The following CPED1 variants were observed in gnomAD, a reference collection of about 807,000 sequenced individuals.
CPED1 encodes cadherin like and PC-esterase domain containing 1.
Under a neutral mutation model 128.2 loss-of-function variants are expected in CPED1, and 114 were observed. The observed-to-expected ratio is 0.89, with a 90% confidence interval of 0.76 to 1.04. CPED1 has a LOEUF of 1.04. CPED1 is among the 50% of genes least tolerant of loss of function. CPED1 has a pLI of 0.00. For synonymous variants in CPED1, 462 were observed against 426.7 expected (o/e 1.08, Z -1.02); for missense variants, 1,211 against 1,207.1 (o/e 1.00, Z -0.05).
chr7:121,038,536 G>T (rs1792961957), intron 3 of CPED1, among the ~76,000 whole-genome samples: 1 of 152,070 alleles, frequency 6.6e-6, no homozygotes. Context: ...TCTGTGTCTA[G>T]TTACTACCAC....
In CPED1 at chr7:121,120,966, T is replaced by TAAAAAA. The variant is rs539242359; in HGVS notation, c.919-3349_919-3344dup. Among the ~76,000 whole-genome samples the TAAAAAA allele has an allele frequency of 1.5e-4, 14 of 91,664 alleles. 1 individual carries two copies. Among genetic ancestry groups the TAAAAAA allele is most frequent in the African/African-American group, 1.5e-4 (4 of 26,678 alleles). The allele number at this position is 91,664 out of a possible 152,430, so 60.1% of individuals were successfully genotyped here. ...AGATAAAATAGGACAGTTCCTGACC[T>TAAAAAA]AAAAAAAAAAAAAAAAAAAAACAAA... On this transcript the variant is annotated intron_variant, in intron 7 of 22. Coordinates refer to ENST00000310396, the MANE Select transcript of CPED1 (RefSeq NM_024913.5).
chr7:121,102,701 G>A (rs1262896498), intron 7 of CPED1, among the ~76,000 whole-genome samples: 2 of 152,034 alleles, frequency 1.3e-5, no homozygotes, highest in African/African-American at 4.8e-5. Flanking sequence ...AACAAGGAAG[G>A]AACAACCAAT....
At chr7:121,223,133 A>G (rs1797924152) in intron 16 of CPED1, among the ~76,000 whole-genome samples, 2 of 152,198 alleles carry the variant, frequency 1.3e-5, no homozygotes, top group Admixed American at 6.5e-5. Flanking sequence ...ACGTTCCATC[A>G]ATACCTAGTT....
At chr7:121,033,039 C>T (rs542131857) in intron 3 of CPED1, among the ~76,000 whole-genome samples, 2 of 152,276 alleles carry the variant, frequency 1.3e-5, no homozygotes, top group African/African-American at 4.8e-5. Context: ...TGAAAATGTA[C>T]CTTCCTCCAT....
intron 16 of CPED1, among the ~76,000 whole-genome samples, chr7:121,177,810 A>G (rs1796817883): frequency 6.6e-6 from 1 of 151,948 alleles, no homozygotes; most frequent in Admixed American, 6.6e-5. Context: ...CCTTCCTTCC[A>G]TGCAGGAAGC....
chr7:121,163,409 G>A (rs6968039), intron 16 of CPED1, among the ~76,000 whole-genome samples: 82,469 of 151,980 alleles, frequency 0.54, 22,776 homozygotes, highest in East Asian at 0.84. Flanking sequence ...AGCAGAAAAT[G>A]GACAGGAATC....
chr7:121,247,673 G>C (rs544393384), intron 18 of CPED1, among the ~76,000 whole-genome samples: 31 of 152,094 alleles, frequency 2.0e-4, no homozygotes, highest in African/African-American at 7.2e-4. Flanking sequence ...GGCTACAGGG[G>C]ACCCAACATA....
At chr7:121,214,772 C>G (rs552477763) in intron 16 of CPED1, among the ~76,000 whole-genome samples, 1 of 152,098 alleles carries the variant, frequency 6.6e-6, no homozygotes, top group Admixed American at 6.5e-5. Context: ...CCATAGTAGT[C>G]TGAATGTTCA....
Position 121,150,775 on chromosome 7 carries a change from T to C in CPED1, c.2055+8634T>C, listed in dbSNP as rs952877663. 4.8e-3 allele frequency among the ~76,000 whole-genome samples: 720 copies of C among 151,578 alleles called. 11 individuals are homozygous for C. Among genetic ancestry groups the C allele is most frequent in the African/African-American group, 0.016 (677 of 41,350 alleles). ...AACATTATTATTATTATTATTATTA[T>C]TATTATTATTAGAGATGGAGTCTCG... On this transcript the variant is annotated intron_variant, in intron 16 of 22. Coordinates refer to ENST00000310396, the MANE Select transcript of CPED1 (RefSeq NM_024913.5).
chr7:121,048,817 G>A (rs1793278932), intron 4 of CPED1, among the ~76,000 whole-genome samples: 1 of 152,154 alleles, frequency 6.6e-6, no homozygotes, highest in South Asian at 2.1e-4. Context: ...GGGATTACAG[G>A]CCTAAGCCAC....
intron 22 of CPED1, among the ~76,000 whole-genome samples, chr7:121,285,692 C>G (rs984000709): frequency 2.6e-5 from 4 of 152,204 alleles, no homozygotes; most frequent in Non-Finnish European, 5.9e-5. Flanking sequence ...ACCACCTCAG[C>G]CTGGACTTTA....
chr7:121,065,752 AT>A (rs956247001), intron 5 of CPED1, among the ~76,000 whole-genome samples: 32 of 151,986 alleles, frequency 2.1e-4, no homozygotes, highest in Non-Finnish European at 3.4e-4. Context: ...TGCTTCAAAC[AT>A]TTTTTTTATT....
At chr7:121,126,121 G>GTTTTT (rs1198579935) in intron 9 of CPED1, among the ~76,000 whole-genome samples, 3 of 152,048 alleles carry the variant, frequency 2.0e-5, no homozygotes, top group African/African-American at 7.2e-5. Flanking sequence ...TTTTTCTATG[G>GTTTTT]TTCAAGTACT....
intron 4 of CPED1, among the ~76,000 whole-genome samples, chr7:121,056,647 G>A (rs1459425874): frequency 6.6e-6 from 1 of 152,074 alleles, no homozygotes; most frequent in South Asian, 2.1e-4. Flanking sequence ...AATCTCCTCT[G>A]GGATATGTTC....
intron 16 of CPED1, among the ~76,000 whole-genome samples, chr7:121,212,278 T>C (rs1210036140): frequency 6.6e-6 from 1 of 152,062 alleles, no homozygotes; most frequent in Non-Finnish European, 1.5e-5. Flanking sequence ...GGCTAAGGAC[T>C]GAATTGCAAG....
intron 4 of CPED1, chr7:121,051,182 G>A (rs190804260): frequency 3.9e-6 from 2 of 516,400 alleles, no homozygotes; most frequent in African/African-American, 3.9e-5. Flanking sequence ...GATGAAGCAG[G>A]AGAGAAAGAA....
At chr7:121,287,821 T>C (rs972957645) in intron 22 of CPED1, among the ~76,000 whole-genome samples, 1 of 152,192 alleles carries the variant, frequency 6.6e-6, no homozygotes, top group Non-Finnish European at 1.5e-5. Flanking sequence ...AAACTTTTGA[T>C]ATATTTTTCA....
chr7:121,063,613 T>TG (rs1209127494), intron 4 of CPED1, among the ~76,000 whole-genome samples: 1 of 152,188 alleles, frequency 6.6e-6, no homozygotes, highest in Non-Finnish European at 1.5e-5. Flanking sequence ...ACTGATCTGT[T>TG]GGTTTTAACA....
intron 16 of CPED1, among the ~76,000 whole-genome samples, chr7:121,153,270 T>C (rs1268257496): frequency 1.3e-5 from 2 of 152,218 alleles, no homozygotes; most frequent in Non-Finnish European, 2.9e-5. Context: ...CTTGTTCATA[T>C]ATTATAATCA....
Sources: gnomAD v4.1 joint callset for allele counts (sites outside exome capture counted in the v4.1 genomes callset) on GRCh38, gnomAD v4.1.1 for gene constraint, MANE v1.5 for transcripts, NCBI Gene and HGNC (gene_info 2026-07-23, HGNC 2026-07-21) for gene names.